Variants in MYO9A observed in about 807,000 individuals in gnomAD.
MYO9A encodes the protein myosin IXA, also known as unconventional myosin-IXa.
MYO9A carries 103 observed loss-of-function variants against 293.3 expected under a neutral mutation model. The ratio of observed to expected loss-of-function variants is 0.35; its 90% confidence interval spans 0.30 to 0.41. The LOEUF (loss-of-function observed/expected upper bound fraction) is 0.41. MYO9A is among the 10% of genes least tolerant of loss of function. The pLI is 1.00. For synonymous variants in MYO9A, 1,001 were observed against 1,035.7 expected (o/e 0.97, Z 0.64); for missense variants, 2,685 against 3,033.0 (o/e 0.89, Z 2.69).
chr15:72,062,691 A>G (rs2078910743), intron 1 of MYO9A, among the ~76,000 whole-genome samples: 1 of 152,182 alleles, frequency 6.6e-6, no homozygotes, highest in Non-Finnish European at 1.5e-5. Flanking sequence ...AATAAAGCCT[A>G]CAAGATCTAG....
intron 39 of MYO9A, among the ~76,000 whole-genome samples, chr15:71,837,791 T>G (rs918892882): frequency 6.6e-6 from 1 of 152,126 alleles, no homozygotes; most frequent in Non-Finnish European, 1.5e-5. Flanking sequence ...CATGAGAAAA[T>G]ACTAATATTG....
At chr15:71,959,724 G>A in intron 14 of MYO9A, 177 bp downstream of exon 14, 1 of 605,706 alleles carries the variant, frequency 1.7e-6, no homozygotes, top group Non-Finnish European at 2.9e-6. Flanking sequence ...TTACAGAAAA[G>A]AAAAACTGTT....
chr15:71,852,135 T>G lies in MYO9A; in HGVS notation c.6472A>C (p.Met2158Leu), dbSNP rs1203810134. Residue 2158 changes from methionine (M) to leucine (L), a missense_variant, in exon 36 of 42, where the codon ATG (methionine) becomes CTG (leucine). This residue lies in a region of MYO9A where 238 missense variants were observed against 269.1 expected (regional missense o/e 0.88). Transcript: ENST00000356056. ...FELYEEFLRA[M>L]GLQERKETIR... is the part of the protein sequence containing the mutation. Reference sequence around the variant, plus strand: ...AACCCAGGAAGCCTATGCTTACCCATAGCTCGAAGAAATTCCTCATAGAGT... The same window carrying G: ...AACCCAGGAAGCCTATGCTTACCCAGAGCTCGAAGAAATTCCTCATAGAGT... The G allele has an allele frequency of 1.2e-6, 2 of 1,611,580 alleles. No individual in the cohort carries two copies. The highest frequency in any genetic ancestry group is 1.7e-6 in the Non-Finnish European group (2 of 1,178,472).
intron 1 of MYO9A, among the ~76,000 whole-genome samples, chr15:72,077,402 C>T (rs938068038): frequency 6.6e-6 from 1 of 151,890 alleles, no homozygotes; most frequent in East Asian, 1.9e-4. Context: ...CAAAATATAC[C>T]TTAAAGATGC....
intron 1 of MYO9A, among the ~76,000 whole-genome samples, chr15:72,110,935 G>A (rs1234183818): frequency 3.3e-5 from 5 of 151,490 alleles, no homozygotes; most frequent in East Asian, 3.9e-4. Flanking sequence ...CGAAGCGGGC[G>A]GATCACAAGG....
intron 39 of MYO9A, among the ~76,000 whole-genome samples, chr15:71,831,829 TAA>T (rs2054740583): frequency 6.6e-6 from 1 of 151,996 alleles, no homozygotes. Flanking sequence ...ACAGAAACCC[TAA>T]AAGACTCCAG....
intron 1 of MYO9A, among the ~76,000 whole-genome samples, chr15:72,072,926 CAT>C (rs2079239744): frequency 6.6e-6 from 1 of 152,160 alleles, no homozygotes; most frequent in Non-Finnish European, 1.5e-5. Context: ...CACCTTCACT[CAT>C]ATGTTTATTA....
At chr15:72,042,218 T>C (rs2149610847) in intron 2 of MYO9A, among the ~76,000 whole-genome samples, 1 of 142,914 alleles carries the variant, frequency 7.0e-6, no homozygotes, top group South Asian at 2.2e-4. Context: ...AGGAAAACAA[T>C]GTTAGGCATG....
At chr15:72,115,252 T>C (rs1567057592) in intron 1 of MYO9A, among the ~76,000 whole-genome samples, 2 of 152,216 alleles carry the variant, frequency 1.3e-5, no homozygotes, top group Admixed American at 6.5e-5. Flanking sequence ...CCCTTCTGTA[T>C]GATTTTGCCT....
chr15:71,825,409 G>C lies in MYO9A; in HGVS notation c.*1171C>G, dbSNP rs1236469577. ...AGTAACCAGAATATTAACAAAAATA[G>C]CTTCAAGTAGTCCTTGATTTTTTTC... On this transcript the variant is annotated 3_prime_UTR_variant, in exon 42 of 42. Transcript: ENST00000356056. 1 of 152,032 alleles carries C rather than the reference G, an allele frequency of 6.6e-6. No individual in the cohort carries two copies. Among genetic ancestry groups the C allele is most frequent in the Non-Finnish European group, 1.5e-5 (1 of 68,026 alleles). 9.4% of individuals were successfully genotyped at this position (152,032 alleles called of 1,614,324 possible). A position where few individuals can be genotyped will look rare whatever the true frequency, so the allele number is the denominator to read the frequency against.
Position 71,978,259 on chromosome 15 carries a change from T to G in MYO9A, c.1756A>C (p.Asn586His). 3.7e-6 allele frequency: 6 copies of G among 1,611,564 alleles called. No individual in the cohort carries two copies. The highest frequency in any genetic ancestry group is 5.1e-6 in the Non-Finnish European group (6 of 1,179,050). ...CAGGTATTATCAATGTAATCTATGT[T>G]GTGCCAGCTGATACCTTCAGTTCTA... Reference protein sequence around the residue: ...EYRTEGISWHNIDYIDNTCCI... With the variant: ...EYRTEGISWHHIDYIDNTCCI... Residue 586 changes from asparagine to histidine, a missense_variant, in exon 12 of 42, where the codon AAC becomes CAC. By Grantham distance (68) the Asn-to-His change is moderately conservative. Around this residue, in one of 10 missense-constraint regions of MYO9A, gnomAD observed 201 missense variants for 245.2 expected, o/e 0.82. Coordinates refer to ENST00000356056, the MANE Select transcript of MYO9A (RefSeq NM_006901.4).
At chr15:71,897,012 T>G (rs1406062890) in intron 25 of MYO9A, 1 of 157,972 alleles carries the variant, frequency 6.3e-6, no homozygotes, top group African/African-American at 2.4e-5. Flanking sequence ...ATGGGAAATT[T>G]TATGTTATGT....
intron 3 of MYO9A, among the ~76,000 whole-genome samples, chr15:72,029,267 T>C (rs1445753029): frequency 6.6e-6 from 1 of 152,188 alleles, no homozygotes; most frequent in Non-Finnish European, 1.5e-5. Context: ...TAGTTACGTA[T>C]CACTTAACTA....
intron 34 of MYO9A, among the ~76,000 whole-genome samples, chr15:71,856,745 C>A (rs1245767506): frequency 6.6e-6 from 1 of 152,150 alleles, no homozygotes; most frequent in Non-Finnish European, 1.5e-5. Context: ...ATTAAATTAT[C>A]TTAATATCAC....
chr15:71,952,542 G>A (rs2059075833), intron 14 of MYO9A, among the ~76,000 whole-genome samples: 2 of 152,110 alleles, frequency 1.3e-5, no homozygotes, highest in East Asian at 3.9e-4. Context: ...TTCAAGTAAA[G>A]ACCAAAGCCC....
chr15:71,929,683 T>C (rs1463947857), intron 18 of MYO9A, among the ~76,000 whole-genome samples: 1 of 152,192 alleles, frequency 6.6e-6, no homozygotes, highest in Non-Finnish European at 1.5e-5. Flanking sequence ...TTGAATATGG[T>C]GTAGTAGCAT....
chr15:72,008,575 C>G (rs982145395), intron 7 of MYO9A, among the ~76,000 whole-genome samples: 6 of 151,014 alleles, frequency 4.0e-5, no homozygotes, highest in African/African-American at 1.5e-4. Context: ...TCATATGGAC[C>G]CTCCGTTATA....
At chr15:72,104,118 G>C (rs536687478) in intron 1 of MYO9A, among the ~76,000 whole-genome samples, 20 of 152,232 alleles carry the variant, frequency 1.3e-4, no homozygotes, top group African/African-American at 4.8e-4. Flanking sequence ...TCCCAGGCTA[G>C]CAATATGCAG....
intron 14 of MYO9A, among the ~76,000 whole-genome samples, chr15:71,954,456 G>A (rs142396725): frequency 2.1e-3 from 316 of 152,082 alleles, no homozygotes; most frequent in Non-Finnish European, 3.6e-3. Context: ...CACCTGACTC[G>A]GCCTCCAAAG....
Sources: allele counts gnomAD v4.1 joint callset (sites outside exome capture counted in the v4.1 genomes callset), GRCh38; gene constraint gnomAD v4.1.1; regional missense constraint gnomAD v4.1.1; transcripts MANE v1.5; gene names NCBI Gene and HGNC (gene_info 2026-07-23, HGNC 2026-07-21).